Variants in CAMK2D observed in about 807,000 individuals in gnomAD.
CAMK2D encodes the protein calcium/calmodulin-dependent protein kinase type II subunit delta.
In CAMK2D, 37 loss-of-function variants were observed where a neutral mutation model predicts 84.0. That is an observed-to-expected ratio of 0.44 (90% CI 0.34 to 0.58). CAMK2D has a LOEUF of 0.58. CAMK2D is among the 20% of genes least tolerant of loss of function. The pLI, the probability that CAMK2D is intolerant of heterozygous loss-of-function variation, is 0.02. For synonymous variants in CAMK2D, 202 were observed against 212.5 expected (o/e 0.95, Z 0.43); for missense variants, 448 against 652.5 (o/e 0.69, Z 3.41).
chr4:113,602,975 T>C (rs961685122), intron 4 of CAMK2D, among the ~76,000 whole-genome samples: 1 of 152,190 alleles, frequency 6.6e-6, no homozygotes, highest in African/African-American at 2.4e-5. Flanking sequence ...ATCTGCCTTA[T>C]CTGCTTAAGG....
At position 113,761,361 on chromosome 4, in the gene CAMK2D, C is replaced by A; in HGVS notation, c.-293G>T. On this transcript the variant is annotated 5_prime_UTR_variant, in exon 1 of 21. Transcript: ENST00000511664. The stretch of plus-strand genomic sequence containing the variant: ...CACCCGCCCCTTTTCCAGTCCCTGT[C>A]CCCAAATGCAGGGGGTAAAGTACTC... 7.3e-7 allele frequency: 1 copy of A among 1,363,714 alleles called. No homozygotes were observed. The highest frequency in any genetic ancestry group is 1.5e-5 in the African/African-American group (1 of 68,278). 84.5% of individuals were successfully genotyped at this position (1,363,714 alleles called of 1,614,324 possible).
intron 3 of CAMK2D, among the ~76,000 whole-genome samples, chr4:113,656,962 T>A (rs1592590547): frequency 2.6e-5 from 4 of 152,250 alleles, no homozygotes; most frequent in Admixed American, 2.6e-4. Flanking sequence ...CTTTGATATC[T>A]CATCAAGGTC....
At chr4:113,465,657 A>C in intron 16 of CAMK2D, 53 bp from the exon 17 acceptor site, 2 of 1,098,624 alleles carry the variant, frequency 1.8e-6, no homozygotes, top group Non-Finnish European at 1.4e-6. Flanking sequence ...AGTCATATTA[A>C]ATATTCTTTT....
rs577185087 is a variant in CAMK2D at position 113,487,221 on chromosome 4, A to T, written c.1135+13242T>A. On this transcript the variant is annotated intron_variant, in intron 16 of 20. Coordinates refer to ENST00000511664, the MANE Select transcript of CAMK2D (RefSeq NM_001321571.2). ...TGGTGGGATATTAAAATTGCACAGGATTGAGATTAATTTCTTAAATACTTT... is the reference window on the plus strand; with the variant it reads ...TGGTGGGATATTAAAATTGCACAGGTTTGAGATTAATTTCTTAAATACTTT... Among the ~76,000 whole-genome samples the T allele has an allele frequency of 7.4e-4, 113 of 152,246 alleles. 1 individual carries two copies. The highest frequency in any genetic ancestry group is 2.6e-3 in the African/African-American group (109 of 41,550).
At chr4:113,626,519 C>T (rs939744863) in intron 3 of CAMK2D, among the ~76,000 whole-genome samples, 1 of 152,154 alleles carries the variant, frequency 6.6e-6, no homozygotes, top group Non-Finnish European at 1.5e-5. Context: ...ATAAATATTA[C>T]ATGAAATAAA....
chr4:113,644,919 A>C (rs1044896912), intron 3 of CAMK2D, among the ~76,000 whole-genome samples: 6 of 152,236 alleles, frequency 3.9e-5, no homozygotes, highest in Non-Finnish European at 5.9e-5. Flanking sequence ...ACTGTAGAGC[A>C]GGGGTCAGGA....
rs547324216 is a variant in CAMK2D at position 113,531,619 on chromosome 4, G to A, written c.518-320C>T. 7.5e-3 allele frequency among the ~76,000 whole-genome samples: 1,139 copies of A among 152,216 alleles called. 16 individuals carry two copies. Among genetic ancestry groups the A allele is most frequent in the African/African-American group, 0.026 (1,079 of 41,522 alleles). ...TTCTTATTGTCCTTTATGTATATGG[G>A]AGTTAAAACTACACCTGAAAAGAAA... On this transcript the variant is annotated intron_variant, in intron 7 of 20. Transcript: ENST00000511664.
At chr4:113,638,107 G>A (rs981946810) in intron 3 of CAMK2D, among the ~76,000 whole-genome samples, 9 of 152,134 alleles carry the variant, frequency 5.9e-5, no homozygotes, top group African/African-American at 1.9e-4. Flanking sequence ...AATCCTTTCT[G>A]AAGCTAAGAG....
intron 2 of CAMK2D, among the ~76,000 whole-genome samples, chr4:113,679,763 A>G (rs1035766597): frequency 2.6e-5 from 4 of 152,224 alleles, no homozygotes; most frequent in Non-Finnish European, 4.4e-5. Flanking sequence ...TATCAGATCA[A>G]CTTCATAGTA....
At chr4:113,458,643 A>C (rs918183253) in intron 18 of CAMK2D, among the ~76,000 whole-genome samples, 2 of 152,210 alleles carry the variant, frequency 1.3e-5, no homozygotes, top group African/African-American at 4.8e-5. Context: ...GAATATGATA[A>C]CATTTACTGA....
chr4:113,462,078 G>A (rs1048793473), intron 17 of CAMK2D, among the ~76,000 whole-genome samples: 8 of 152,088 alleles, frequency 5.3e-5, no homozygotes, highest in African/African-American at 1.4e-4. Context: ...GAAGAACAGC[G>A]TTCCTATGGT....
intron 2 of CAMK2D, among the ~76,000 whole-genome samples, chr4:113,666,448 T>A (rs929253718): frequency 6.6e-6 from 1 of 152,082 alleles, no homozygotes; most frequent in Non-Finnish European, 1.5e-5. Context: ...CCTCAGAGGC[T>A]ACAGAGGTGT....
chr4:113,549,229 A>G (rs951444535), intron 5 of CAMK2D, among the ~76,000 whole-genome samples: 8 of 152,208 alleles, frequency 5.3e-5, no homozygotes, highest in Non-Finnish European at 8.8e-5. Flanking sequence ...GGACACATTT[A>G]CCATTTCGCC....
rs185974299 is a variant in CAMK2D at position 113,652,074 on chromosome 4, T to C, written c.220+9639A>G. Among the ~76,000 whole-genome samples the C allele has an allele frequency of 1.6e-3, 240 of 152,326 alleles. 1 individual carries two copies. Among genetic ancestry groups the C allele is most frequent in the African/African-American group, 5.5e-3 (228 of 41,584 alleles). On this transcript the variant is annotated intron_variant, in intron 3 of 20. Coordinates refer to ENST00000511664, the MANE Select transcript of CAMK2D (RefSeq NM_001321571.2). ...ATTATTTTCTGCACTTATTAAAGAA[T>C]AGTATGACTAATTCAGAGTTATACA...
chr4:113,715,244 C>T (rs2099509873), intron 2 of CAMK2D, among the ~76,000 whole-genome samples: 2 of 152,082 alleles, frequency 1.3e-5, no homozygotes, highest in South Asian at 2.1e-4. Flanking sequence ...TGTACATTCT[C>T]CTGGACCTCT....
At chr4:113,480,242 C>T (rs1208089026) in intron 16 of CAMK2D, among the ~76,000 whole-genome samples, 4 of 152,050 alleles carry the variant, frequency 2.6e-5, no homozygotes, top group African/African-American at 7.2e-5. Context: ...GAATTACAGG[C>T]GTGAACTACC....
At chr4:113,554,504 A>T (rs1449200876) in intron 4 of CAMK2D, among the ~76,000 whole-genome samples, 1 of 152,142 alleles carries the variant, frequency 6.6e-6, no homozygotes, top group Admixed American at 6.6e-5. Context: ...TTATGTAGTT[A>T]ACTGTGTCTG....
intron 8 of CAMK2D, among the ~76,000 whole-genome samples, chr4:113,520,343 G>A (rs1330130394): frequency 1.3e-5 from 2 of 152,114 alleles, no homozygotes; most frequent in African/African-American, 4.8e-5. Flanking sequence ...AGGAGGTGGA[G>A]GTTGCAGTGA....
intron 4 of CAMK2D, among the ~76,000 whole-genome samples, chr4:113,562,247 T>C (rs1363190617): frequency 6.6e-6 from 1 of 152,168 alleles, no homozygotes; most frequent in Non-Finnish European, 1.5e-5. Context: ...TTGACTCCTT[T>C]ACAAATTATA....
Sources: allele counts gnomAD v4.1 joint callset (sites outside exome capture counted in the v4.1 genomes callset), GRCh38; gene constraint gnomAD v4.1.1; transcripts MANE v1.5; gene names NCBI Gene and HGNC (gene_info 2026-07-23, HGNC 2026-07-21).